The following CDKAL1 variants were observed in gnomAD, a reference collection of about 807,000 sequenced individuals.
The protein encoded by CDKAL1 is CDKAL1 threonylcarbamoyladenosine tRNA methylthiotransferase.
CDKAL1 carries 32 observed loss-of-function variants against 68.2 expected under a neutral mutation model. The ratio of observed to expected loss-of-function variants is 0.47; its 90% CI spans 0.35 to 0.63. The LOEUF is 0.63. Ranked by LOEUF, CDKAL1 falls within the 30% of genes least tolerant of loss-of-function variation. The pLI is 0.00. For missense variants in CDKAL1, 606 were observed against 696.7 expected (o/e 0.87, Z 1.47); for synonymous variants, 234 against 244.3 (o/e 0.96, Z 0.39).
In CDKAL1 at chr6:20,575,250, C is replaced by A. The variant is rs112233236; in HGVS notation, c.286+26545C>A. Reference sequence around the variant, plus strand: ...TTAGTAGTTTAAAGGATAAACAGTTCAAACAGTAAGAAAAAAGCAGTTTGT... The same window carrying A: ...TTAGTAGTTTAAAGGATAAACAGTTAAAACAGTAAGAAAAAAGCAGTTTGT... On this transcript the variant is annotated intron_variant, in intron 4 of 15. Coordinates refer to ENST00000274695, the MANE Select transcript of CDKAL1 (RefSeq NM_017774.3). 6.1e-3 allele frequency among the ~76,000 whole-genome samples: 923 copies of A among 151,904 alleles called. 4 individuals are homozygous for A. The highest frequency in any genetic ancestry group is 8.3e-3 in the Admixed American group (127 of 15,238).
intron 12 of CDKAL1, among the ~76,000 whole-genome samples, chr6:21,066,617 T>A (rs377050620): frequency 9.2e-5 from 14 of 152,088 alleles, no homozygotes; most frequent in East Asian, 5.8e-4. Flanking sequence ...TTTGTTTTGT[T>A]CTGTTTTGTT....
intron 7 of CDKAL1, among the ~76,000 whole-genome samples, chr6:20,760,743 C>T (rs1774425544): frequency 6.6e-6 from 1 of 152,078 alleles, no homozygotes; most frequent in Non-Finnish European, 1.5e-5. Context: ...TTGCCTTATT[C>T]ATCCTTTGTC....
chr6:20,619,142 CA>C (rs1395802629), intron 4 of CDKAL1, among the ~76,000 whole-genome samples: 1 of 152,156 alleles, frequency 6.6e-6, no homozygotes, highest in Non-Finnish European at 1.5e-5. Context: ...ACCCTCATAT[CA>C]CTTGTTATTG....
At chr6:20,585,726 C>CT (rs942352611) in intron 4 of CDKAL1, among the ~76,000 whole-genome samples, 11 of 152,324 alleles carry the variant, frequency 7.2e-5, no homozygotes, top group African/African-American at 2.6e-4. Context: ...CTTCAGTCAT[C>CT]TTTGCTGGTT....
intron 8 of CDKAL1, among the ~76,000 whole-genome samples, chr6:20,782,940 C>CT (rs1162197544): frequency 2.3e-4 from 35 of 150,730 alleles, no homozygotes; most frequent in Admixed American, 5.9e-4. Flanking sequence ...ATTTTTTTTT[C>CT]TTTTTTTTGA....
At chr6:20,748,406 A>C (rs1581500036) in intron 6 of CDKAL1, among the ~76,000 whole-genome samples, 1 of 151,856 alleles carries the variant, frequency 6.6e-6, no homozygotes, top group East Asian at 1.9e-4. Context: ...GCTACTTGGG[A>C]GGCTGAGGCA....
intron 15 of CDKAL1, among the ~76,000 whole-genome samples, chr6:21,213,351 T>C (rs185246915): frequency 1.2e-4 from 18 of 152,292 alleles, no homozygotes; most frequent in African/African-American, 4.1e-4. Context: ...GAAGATTTAC[T>C]TGGGGCCTGG....
At chr6:21,215,390 C>T (rs746622703) in intron 15 of CDKAL1, among the ~76,000 whole-genome samples, 1 of 152,144 alleles carries the variant, frequency 6.6e-6, no homozygotes, top group Non-Finnish European at 1.5e-5. Flanking sequence ...AGTTATGTGA[C>T]AAGAAGATAC....
intron 9 of CDKAL1, among the ~76,000 whole-genome samples, chr6:20,948,888 G>A (rs1013290730): frequency 6.6e-6 from 1 of 152,176 alleles, no homozygotes; most frequent in African/African-American, 2.4e-5. Flanking sequence ...TCCTTTTATG[G>A]TATTTAGTTT....
At chr6:20,963,972 C>T (rs999879526) in intron 10 of CDKAL1, among the ~76,000 whole-genome samples, 13 of 151,916 alleles carry the variant, frequency 8.6e-5, no homozygotes, top group Admixed American at 7.9e-4. Flanking sequence ...AAGAATAAAA[C>T]AACCCCATTA....
At chr6:21,110,209 A>G (rs1774052059) in intron 13 of CDKAL1, among the ~76,000 whole-genome samples, 1 of 152,100 alleles carries the variant, frequency 6.6e-6, no homozygotes, top group African/African-American at 2.4e-5. Context: ...TTTATTCTGG[A>G]TGTACAGTAG....
intron 8 of CDKAL1, among the ~76,000 whole-genome samples, chr6:20,802,257 C>T (rs1020371472): frequency 2.8e-4 from 42 of 151,274 alleles, no homozygotes; most frequent in Non-Finnish European, 5.6e-4. Flanking sequence ...GAGATTGCGC[C>T]GCTGCACTCC....
At position 21,003,343 on chromosome 6, in the gene CDKAL1, AATATATATATATATATAT is replaced by A. The variant is rs71540608; in HGVS notation, c.1055+2983_1055+3000del. ...CAACATGGTGAAACCATCTCTACTA[AATATATATATATATATAT>A]ATATATATATACACACACACACACA... On this transcript the variant is annotated intron_variant, in intron 11 of 15. Coordinates refer to ENST00000274695, the MANE Select transcript of CDKAL1 (RefSeq NM_017774.3). Among the ~76,000 whole-genome samples, 14 of 40,444 alleles carry A rather than the reference AATATATATATATATATAT, an allele frequency of 3.5e-4. No individual in the cohort carries two copies. The South Asian group carries it at 5.1e-3, about 15-fold the overall frequency. The allele number at this position is 40,444 out of a possible 152,430, so 26.5% of individuals were successfully genotyped here.
At chr6:21,115,384 C>G (rs1774356431) in intron 13 of CDKAL1, among the ~76,000 whole-genome samples, 1 of 152,192 alleles carries the variant, frequency 6.6e-6, no homozygotes, top group African/African-American at 2.4e-5. Context: ...CCTGCTGGCC[C>G]TGTTGAGCTT....
chr6:20,769,695 C>T (rs1774856486), intron 7 of CDKAL1, among the ~76,000 whole-genome samples: 1 of 152,158 alleles, frequency 6.6e-6, no homozygotes, highest in Non-Finnish European at 1.5e-5. Flanking sequence ...TGAGAAACGT[C>T]ATTAGCGCTG....
chr6:20,826,483 T>C (rs187706143), intron 8 of CDKAL1, among the ~76,000 whole-genome samples: 164 of 152,340 alleles, frequency 1.1e-3, no homozygotes, highest in South Asian at 2.9e-3. Flanking sequence ...TCATGTGTCA[T>C]GTGCCTATCT....
intron 10 of CDKAL1, among the ~76,000 whole-genome samples, chr6:20,994,689 G>A (rs745307929): frequency 7.9e-5 from 12 of 152,156 alleles, no homozygotes; most frequent in Non-Finnish European, 1.6e-4. Flanking sequence ...GTTTCCTAGT[G>A]TATGTAAAAG....
rs1333134766 is a variant in CDKAL1 at position 21,200,615 on chromosome 6, A to G, written c.1384-495A>G. On this transcript the variant is annotated intron_variant, in intron 14 of 15. Coordinates refer to ENST00000274695, the MANE Select transcript of CDKAL1 (RefSeq NM_017774.3). Reference sequence around the variant, plus strand: ...GTATTGTCTCGGTTTTCCTCATTGCATGGAATAGCCAAAAGCAAGATATCA... The same window carrying G: ...GTATTGTCTCGGTTTTCCTCATTGCGTGGAATAGCCAAAAGCAAGATATCA... Among the ~76,000 whole-genome samples the G allele has an allele frequency of 2.6e-5, 4 of 152,210 alleles. No homozygotes were observed. The South Asian group carries it at 6.2e-4, about 24-fold the overall frequency.
At position 21,230,351 on chromosome 6, in the gene CDKAL1, G is replaced by A. The variant is rs113124496; in HGVS notation, c.1549-497G>A. Reference sequence around the variant, plus strand: ...TAATTTTTATATTTTTAGTGGAGACGGGGTTTCACCATGTTGGCCAGGCTG... The same window carrying A: ...TAATTTTTATATTTTTAGTGGAGACAGGGTTTCACCATGTTGGCCAGGCTG... On this transcript the variant is annotated intron_variant, in intron 15 of 15. Transcript: ENST00000274695. Among the ~76,000 whole-genome samples, 588 of 152,262 alleles carry A rather than the reference G, an allele frequency of 3.9e-3. 3 individuals carry two copies. The highest frequency in any genetic ancestry group is 9.4e-3 in the Admixed American group (144 of 15,302).
Sources: gnomAD v4.1 joint callset for allele counts (sites outside exome capture counted in the v4.1 genomes callset) on GRCh38, gnomAD v4.1.1 for gene constraint, MANE v1.5 for transcripts, NCBI Gene and HGNC (gene_info 2026-07-23, HGNC 2026-07-21) for gene names.